TNFRSF11A: variants seen among roughly 807,000 people sequenced by gnomAD.
The protein encoded by TNFRSF11A is TNF receptor superfamily member 11a, also known as tumor necrosis factor receptor superfamily member 11A.
TNFRSF11A carries 32 observed loss-of-function variants against 55.7 expected under a neutral mutation model. The observed-to-expected ratio is 0.57, with a 90% CI of 0.43 to 0.77. The LOEUF (loss-of-function observed/expected upper bound fraction) is 0.77, where lower values mean the gene tolerates loss of function less well. TNFRSF11A is among the 30% of genes least tolerant of loss of function. The pLI, the probability that TNFRSF11A is intolerant of heterozygous loss-of-function variation, is 0.00. For synonymous variants in TNFRSF11A, 311 were observed against 331.0 expected (o/e 0.94, Z 0.65); for missense variants, 753 against 809.8 (o/e 0.93, Z 0.85).
intron 9 of TNFRSF11A, among the ~76,000 whole-genome samples, chr18:62,381,206 A>G (rs1911263423): frequency 6.6e-6 from 1 of 152,250 alleles, no homozygotes; most frequent in East Asian, 1.9e-4. Flanking sequence ...TGAAAAAAGA[A>G]AACAAAAATG....
At chr18:62,333,206 G>A (rs1172450035) in intron 1 of TNFRSF11A, among the ~76,000 whole-genome samples, 1 of 152,202 alleles carries the variant, frequency 6.6e-6, no homozygotes, top group Non-Finnish European at 1.5e-5. Context: ...TAAACCTCCA[G>A]AACTGGGACT....
intron 1 of TNFRSF11A, among the ~76,000 whole-genome samples, chr18:62,335,080 C>G (rs1403815201): frequency 6.6e-6 from 1 of 151,060 alleles, no homozygotes; most frequent in Non-Finnish European, 1.5e-5. Flanking sequence ...TTTCTGTGCT[C>G]CAGTTGGGTC....
intron 3 of TNFRSF11A, among the ~76,000 whole-genome samples, chr18:62,351,949 AC>A (rs1376511664): frequency 6.6e-6 from 1 of 152,096 alleles, no homozygotes; most frequent in African/African-American, 2.4e-5. Context: ...GGCACGTGCC[AC>A]CATGCCCTGC....
chr18:62,361,573 C>T, intron 6 of TNFRSF11A, 107 bp from the exon 7 acceptor site: 1 of 1,139,266 alleles, frequency 8.8e-7, no homozygotes, highest in Non-Finnish European at 1.3e-6. Flanking sequence ...TCTGCTATCC[C>T]AGACCAACAT....
chr18:62,373,036 G>C (rs1910657530), intron 9 of TNFRSF11A: 1 of 152,200 alleles, frequency 6.6e-6, no homozygotes, highest in African/African-American at 2.4e-5. Context: ...AGAAATCCAG[G>C]CCTTCCACAG....
At position 62,348,058 on chromosome 18, in the gene TNFRSF11A, CAAAAAAAAA is replaced by C. The variant is rs201661953; in HGVS notation, c.76-97_76-89del. 3.3e-3 allele frequency: 2,119 copies of C among 639,716 alleles called. 2 individuals are homozygous for C. Among genetic ancestry groups the C allele is most frequent in the East Asian group, 0.021 (667 of 32,176 alleles). 39.6% of individuals were successfully genotyped at this position (639,716 alleles called of 1,614,324 possible). On this transcript the variant is annotated intron_variant, in intron 1 of 9. Transcript: ENST00000586569. ...TGGGCAACAAGAGCGAAACTCCATT[CAAAAAAAAA>C]AAAAAAAAAAAAGTAATTTGGTGAT...
chr18:62,386,269 T>C lies in TNFRSF11A; in HGVS notation c.*1235T>C, dbSNP rs1911725628. 6.6e-6 allele frequency: 1 copy of C among 151,858 alleles called. No individual in the cohort carries two copies. Among genetic ancestry groups the C allele is most frequent in the Admixed American group, 6.5e-5 (1 of 15,276 alleles). The allele number at this position is 151,858 out of a possible 1,614,324, so 9.4% of individuals were successfully genotyped here. On this transcript the variant is annotated 3_prime_UTR_variant, in exon 10 of 10. Transcript: ENST00000586569. ...TCAAGGAAGAATAAAGTTGAAATTT[T>C]AATTTGCATTTTTTTTGTCTAGATA... is the stretch of plus-strand genomic sequence containing the variant.
Position 62,369,239 on chromosome 18 carries a change from A to G in TNFRSF11A, c.1322A>G (p.Asn441Ser), listed in dbSNP as rs761034128. ...CACTGGGCAGCCAGCCCCAGCCCCA[A>G]CTGGGCAGATGTCTGCACAGGCTGC... Reference protein sequence around the residue: ...CPHWAASPSPNWADVCTGCRN... With the variant: ...CPHWAASPSPSWADVCTGCRN... The change falls in exon 9 of 10, where the codon AAC (asparagine) becomes AGC (serine). Residue 441 changes from asparagine to serine, a missense_variant. Around this residue, in one of 3 missense-constraint regions of TNFRSF11A, gnomAD observed 567 missense variants for 596.7 expected, o/e 0.95. Transcript: ENST00000586569. 4.6e-5 allele frequency: 74 copies of G among 1,613,618 alleles called. No homozygotes were observed. The highest frequency in any genetic ancestry group is 5.4e-5 in the Non-Finnish European group (64 of 1,180,050).
Position 62,369,151 on chromosome 18 carries a change from G to T in TNFRSF11A, c.1234G>T (p.Asp412Tyr), listed in dbSNP as rs1910324471. 1 of 1,614,146 alleles carries T rather than the reference G, an allele frequency of 6.2e-7. No individual in the cohort carries two copies. The highest frequency in any genetic ancestry group is 8.5e-7 in the Non-Finnish European group (1 of 1,180,058). The part of the protein sequence containing the change: ...CNCTEPLCRT[D>Y]WTPMSSENYL... ...CTGCACTGAGCCCCTGTGCAGGACT[G>T]ATTGGACTCCCATGTCCTCTGAAAA... The change falls in exon 9 of 10, where the codon GAT becomes TAT. Residue 412 changes from aspartate to tyrosine, a missense_variant. Physicochemically the swap from Asp to Tyr is radical, Grantham distance 160 (BLOSUM62 -3). Transcript: ENST00000586569.
intron 9 of TNFRSF11A, among the ~76,000 whole-genome samples, chr18:62,381,086 C>T (rs1391394785): frequency 6.6e-6 from 1 of 152,184 alleles, no homozygotes; most frequent in Non-Finnish European, 1.5e-5. Flanking sequence ...TTACAGGTGT[C>T]AGCCACCGCG....
In TNFRSF11A at chr18:62,385,726, G is replaced by T. The variant is rs1911688488; in HGVS notation, c.*692G>T. Reference sequence around the variant, plus strand: ...GGTCTCAAACTCCCCAGCTAAAGCAGTCCTCCAGCCTCGGCCTCCCAAAGT... The same window carrying T: ...GGTCTCAAACTCCCCAGCTAAAGCATTCCTCCAGCCTCGGCCTCCCAAAGT... On this transcript the variant is annotated 3_prime_UTR_variant, in exon 10 of 10. Transcript: ENST00000586569. 1 of 146,484 alleles carries T rather than the reference G, an allele frequency of 6.8e-6. No homozygotes were observed. Among genetic ancestry groups the T allele is most frequent in the African/African-American group, 2.5e-5 (1 of 40,178 alleles). 9.1% of individuals were successfully genotyped at this position (146,484 alleles called of 1,614,324 possible).
chr18:62,357,353 A>G (rs996922579), intron 4 of TNFRSF11A, among the ~76,000 whole-genome samples: 1 of 152,202 alleles, frequency 6.6e-6, no homozygotes, highest in East Asian at 1.9e-4. Context: ...GGGAATAGGC[A>G]TAGGAAACCT....
intron 7 of TNFRSF11A, among the ~76,000 whole-genome samples, chr18:62,363,985 C>T (rs546245491): frequency 4.6e-5 from 7 of 152,162 alleles, no homozygotes; most frequent in Non-Finnish European, 8.8e-5. Context: ...GTCTCAATAT[C>T]GAGCAACACA....
intron 9 of TNFRSF11A, among the ~76,000 whole-genome samples, chr18:62,371,929 G>A (rs187381657): frequency 2.6e-5 from 4 of 152,272 alleles, no homozygotes; most frequent in Non-Finnish European, 1.5e-5. Context: ...ATTTGTTTAA[G>A]GGTTTTTTGG....
intron 9 of TNFRSF11A, among the ~76,000 whole-genome samples, chr18:62,376,068 A>G (rs1356866200): frequency 6.6e-6 from 1 of 152,114 alleles, no homozygotes; most frequent in Non-Finnish European, 1.5e-5. Flanking sequence ...TCCTGGCATC[A>G]TTGGCTACTC....
chr18:62,357,105 C>T (rs1909314251), intron 4 of TNFRSF11A, among the ~76,000 whole-genome samples: 1 of 152,156 alleles, frequency 6.6e-6, no homozygotes, highest in South Asian at 2.1e-4. Context: ...AGCGGGTACC[C>T]TACCTAGCCA....
intron 9 of TNFRSF11A, among the ~76,000 whole-genome samples, chr18:62,374,812 C>T (rs1910778510): frequency 6.6e-6 from 1 of 152,150 alleles, no homozygotes; most frequent in African/African-American, 2.4e-5. Context: ...TTTCTGTTGA[C>T]TTACTTGCTA....
chr18:62,347,054 G>A (rs1043957388), intron 1 of TNFRSF11A, among the ~76,000 whole-genome samples: 1 of 152,164 alleles, frequency 6.6e-6, no homozygotes, highest in Non-Finnish European at 1.5e-5. Flanking sequence ...CTGGAAGGCT[G>A]ATTACTTACC....
chr18:62,339,668 C>A (rs968821717), intron 1 of TNFRSF11A, among the ~76,000 whole-genome samples: 2 of 152,186 alleles, frequency 1.3e-5, no homozygotes, highest in African/African-American at 4.8e-5. Context: ...GTGAAGATGC[C>A]TTTGACAGTG....
Sources: gnomAD v4.1 joint callset for allele counts (sites outside exome capture counted in the v4.1 genomes callset) on GRCh38, gnomAD v4.1.1 for gene constraint, gnomAD v4.1.1 regional missense constraint, MANE v1.5 for transcripts, NCBI Gene and HGNC (gene_info 2026-07-23, HGNC 2026-07-21) for gene names.